Variants in DENND10 observed in about 807,000 individuals in gnomAD.
DENND10 encodes DENN domain-containing protein 10.
Under a neutral mutation model 43.6 loss-of-function variants are expected in DENND10, and 24 were observed. The ratio of observed to expected loss-of-function variants is 0.55; its 90% CI spans 0.40 to 0.77. The LOEUF (loss-of-function observed/expected upper bound fraction) is 0.77, where lower values mean the gene tolerates loss of function less well. Ranked by LOEUF, DENND10 falls within the 30% of genes least tolerant of loss-of-function variation. DENND10 has a pLI of 0.00. For synonymous variants in DENND10, 125 were observed against 157.6 expected, an observed-to-expected ratio of 0.79 and a Z score of 1.55; for missense variants, 303 against 429.9, an observed-to-expected ratio of 0.70 and a Z score of 2.61.
chr10:119,104,232 C>G (rs1028835707), intron 1 of DENND10, 35 bp downstream of exon 1: 1 of 1,497,246 alleles, frequency 6.7e-7, no homozygotes, highest in Non-Finnish European at 8.9e-7. Context: ...GAAGCCCGCA[C>G]CCTGGTTCTG....
At chr10:119,116,438 G>A (rs533063472) in intron 3 of DENND10, among the ~76,000 whole-genome samples, 2 of 152,172 alleles carry the variant, frequency 1.3e-5, no homozygotes, top group South Asian at 2.1e-4. Flanking sequence ...CTCCTTTCTC[G>A]TCAAAGGAAA....
intron 6 of DENND10, among the ~76,000 whole-genome samples, chr10:119,127,780 G>A (rs561999596): frequency 6.6e-5 from 10 of 151,996 alleles, no homozygotes; most frequent in South Asian, 2.1e-4. Context: ...GAGCCACTGC[G>A]CCTGGCCACC....
chr10:119,130,944 G>A (rs2133529309), intron 7 of DENND10, among the ~76,000 whole-genome samples: 1 of 152,336 alleles, frequency 6.6e-6, no homozygotes, highest in South Asian at 2.1e-4. Flanking sequence ...AAATCACTAA[G>A]TTTAGTCAAC....
intron 7 of DENND10, among the ~76,000 whole-genome samples, chr10:119,131,024 C>T (rs1846063153): frequency 6.6e-6 from 1 of 152,242 alleles, no homozygotes; most frequent in East Asian, 1.9e-4. Flanking sequence ...TTTATCACTA[C>T]ACAGGGTTAA....
At chr10:119,113,635 T>A (rs183233809) in intron 3 of DENND10, among the ~76,000 whole-genome samples, 123 of 149,644 alleles carry the variant, frequency 8.2e-4, no homozygotes, top group African/African-American at 2.9e-3. Flanking sequence ...GCCTAATAAA[T>A]GGTAGGCTTT....
At chr10:119,112,481 CTTTTTCTTTTTCT>C (rs1845023715) in intron 3 of DENND10, among the ~76,000 whole-genome samples, 1 of 147,936 alleles carries the variant, frequency 6.8e-6, no homozygotes, top group African/African-American at 2.5e-5. Flanking sequence ...TTTTCTTTTT[CTTTTTCTTTTTCT>C]TTTTTTTTTT....
At chr10:119,119,862 G>A (rs538951885) in intron 4 of DENND10, among the ~76,000 whole-genome samples, 2 of 151,924 alleles carry the variant, frequency 1.3e-5, no homozygotes, top group Admixed American at 6.6e-5. Flanking sequence ...CAGAGCACAC[G>A]TCCTGGGAAG....
intron 1 of DENND10, chr10:119,105,442 AC>A (rs1156828678): frequency 8.0e-6 from 6 of 752,036 alleles, no homozygotes; most frequent in Non-Finnish European, 1.1e-5. Flanking sequence ...GTGCACCACC[AC>A]CCGATTAATT....
At chr10:119,104,221 G>T in intron 1 of DENND10, 24 bp downstream of exon 1, 1 of 1,504,104 alleles carries the variant, frequency 6.6e-7, no homozygotes, top group African/African-American at 1.4e-5. Context: ...CGCCCTGCCT[G>T]GAAGCCCGCA....
intron 3 of DENND10, among the ~76,000 whole-genome samples, chr10:119,117,089 AGCAGTAAGT>A (rs1845325156): frequency 6.6e-6 from 1 of 152,098 alleles, no homozygotes; most frequent in Non-Finnish European, 1.5e-5. Flanking sequence ...GCAGTAACTC[AGCAGTAAGT>A]GCAGTAAGTG....
At chr10:119,119,246 C>T (rs1845447908) in intron 4 of DENND10, among the ~76,000 whole-genome samples, 1 of 152,058 alleles carries the variant, frequency 6.6e-6, no homozygotes, top group East Asian at 1.9e-4. Flanking sequence ...TCAGGTGATC[C>T]GTCTGCCTCG....
chr10:119,128,332 A>G (rs2133519803), intron 6 of DENND10, among the ~76,000 whole-genome samples: 1 of 151,370 alleles, frequency 6.6e-6, no homozygotes, highest in East Asian at 2.0e-4. Flanking sequence ...CAAAAAGGCC[A>G]GGCACAGTGG....
chr10:119,129,338 T>G (rs936190352), intron 6 of DENND10, 177 bp from the exon 7 acceptor site: 1 of 591,980 alleles, frequency 1.7e-6, no homozygotes, highest in African/African-American at 1.9e-5. Context: ...GTTGTGTGAA[T>G]ATCTTCAGGC....
intron 5 of DENND10, among the ~76,000 whole-genome samples, chr10:119,122,817 G>C (rs1261282126): frequency 1.3e-5 from 2 of 151,966 alleles, no homozygotes; most frequent in East Asian, 3.9e-4. Context: ...AGGTGACTTT[G>C]AATTTTACCC....
chr10:119,123,586 CA>C lies in DENND10; in HGVS notation c.694+18del. 2 of 1,558,034 alleles carry C rather than the reference CA, an allele frequency of 1.3e-6. No individual in the cohort carries two copies. Among genetic ancestry groups the C allele is most frequent in the Non-Finnish European group, 1.8e-6 (2 of 1,134,464 alleles). On this transcript the variant is annotated intron_variant, in intron 6 of 8. Transcript: ENST00000361432. ...TGTGCACAGGTAGACAAGAGGATCCCAGGGGAGGAACTGTTTCACTTTTTTT... is the reference window on the plus strand; with the variant it reads ...TGTGCACAGGTAGACAAGAGGATCCCGGGGAGGAACTGTTTCACTTTTTTT...
chr10:119,126,853 CTG>C (rs1845858596), intron 6 of DENND10, among the ~76,000 whole-genome samples: 2 of 151,890 alleles, frequency 1.3e-5, no homozygotes, highest in Admixed American at 6.6e-5. Context: ...GCATGAGCCA[CTG>C]TGCCTGGCCA....
Position 119,108,182 on chromosome 10 carries a change from TA to T in DENND10, c.252+28del, listed in dbSNP as rs376840583. 30,720 of 1,377,152 alleles carry T rather than the reference TA, an allele frequency of 0.022. 284 individuals carry two copies. Among genetic ancestry groups the T allele is most frequent in the Non-Finnish European group, 0.026 (26,312 of 1,013,460 alleles). The allele number at this position is 1,377,152 out of a possible 1,614,324, so 85.3% of individuals were successfully genotyped here. Reference sequence around the variant, plus strand: ...TGAAAAAGGTATGATTGCGTGAAGGTAAAAAAAAAACCCCAAAATAGGCTGG... The same window carrying T: ...TGAAAAAGGTATGATTGCGTGAAGGTAAAAAAAAACCCCAAAATAGGCTGG... On this transcript the variant is annotated intron_variant, in intron 2 of 8. Transcript: ENST00000361432.
intron 7 of DENND10, among the ~76,000 whole-genome samples, chr10:119,131,827 C>T (rs1218139098): frequency 6.6e-6 from 1 of 152,238 alleles, no homozygotes; most frequent in African/African-American, 2.4e-5. Flanking sequence ...AGAAAACTGG[C>T]TGTGGCTAGG....
chr10:119,104,437 G>A (rs2133445222), intron 1 of DENND10, among the ~76,000 whole-genome samples: 1 of 151,454 alleles, frequency 6.6e-6, no homozygotes, highest in Admixed American at 6.6e-5. Context: ...CCGGCCCGAG[G>A]GAGCCCGGGG....
Sources: gnomAD v4.1 joint callset for allele counts (sites outside exome capture counted in the v4.1 genomes callset) on GRCh38, gnomAD v4.1.1 for gene constraint, MANE v1.5 for transcripts, NCBI Gene and HGNC (gene_info 2026-07-23, HGNC 2026-07-21) for gene names.